Variants in ITSN1 observed in about 807,000 individuals in gnomAD.
ITSN1 encodes the protein intersectin 1.
A neutral mutation model predicts 239.8 loss-of-function variants in ITSN1; 58 were observed. The observed-to-expected ratio is 0.24, with a 90% CI of 0.20 to 0.30. The LOEUF is 0.30. Among genes scored for constraint, ITSN1 ranks in the 10% least tolerant of loss-of-function variants. The pLI, the probability that ITSN1 is intolerant of heterozygous loss-of-function variation, is 1.00. For synonymous variants in ITSN1, 780 were observed against 770.8 expected, an observed-to-expected ratio of 1.01 and a Z score of -0.20; for missense variants, 1,558 against 2,103.3, an observed-to-expected ratio of 0.74 and a Z score of 5.07.
At position 33,767,783 on chromosome 21, in the gene ITSN1, C is replaced by A. The variant is rs759669553; in HGVS notation, c.997C>A (p.Pro333Thr). 1 of 1,612,328 alleles carries A rather than the reference C, an allele frequency of 6.2e-7. No individual in the cohort carries two copies. Among genetic ancestry groups the A allele is most frequent in the Non-Finnish European group, 8.5e-7 (1 of 1,178,626 alleles). Residue 333 changes from proline (P) to threonine (T), a missense_variant, in exon 11 of 40, where the codon CCA becomes ACA. By Grantham distance (38) the Pro-to-Thr change is conservative (BLOSUM62 -1). Around this residue, in one of 2 missense-constraint regions of ITSN1, gnomAD observed 982 missense variants for 1,209.9 expected, o/e 0.81. Transcript: ENST00000381318. ...TGTAGATCAGAGGCTACCAGAGGAA[C>A]CAGTTTTAGAAGATGAACAACAACA... is the stretch of plus-strand genomic sequence containing the variant. Reference protein sequence around the residue: ...TSVDQRLPEEPVLEDEQQQLE... With the variant: ...TSVDQRLPEETVLEDEQQQLE...
At chr21:33,777,446 A>C (rs1366164716) in intron 14 of ITSN1, among the ~76,000 whole-genome samples, 1 of 152,184 alleles carries the variant, frequency 6.6e-6, no homozygotes, top group African/African-American at 2.4e-5. Context: ...TAACATTTCC[A>C]TGTACATTTT....
In ITSN1 at chr21:33,876,311, TCC is replaced by T. The variant is rs1407545106; in HGVS notation, c.4341+791_4341+792del. The stretch of plus-strand genomic sequence containing the variant: ...CCTTCTCTCTCTCTTTCTTTCTCCT[TCC>T]TTCCTTCCTTCCTTCTTTCCTTCCT... On this transcript the variant is annotated intron_variant, in intron 34 of 39. Coordinates refer to ENST00000381318, the MANE Select transcript of ITSN1 (RefSeq NM_003024.3). Among the ~76,000 whole-genome samples, 29 of 137,332 alleles carry T rather than the reference TCC, an allele frequency of 2.1e-4. No homozygotes were observed. In the South Asian group the frequency reaches 6.7e-3, roughly 31 times the overall value. 90.1% of individuals were successfully genotyped at this position (137,332 alleles called of 152,430 possible). A position where few individuals can be genotyped will look rare whatever the true frequency, so the allele number is the denominator to read the frequency against.
intron 24 of ITSN1, among the ~76,000 whole-genome samples, chr21:33,820,604 GTTCTTTTTTCAA>G (rs1416688305): frequency 1.2e-4 from 18 of 152,152 alleles, no homozygotes; most frequent in Admixed American, 2.0e-4. Flanking sequence ...CAGTAACAAT[GTTCTTTTTTCAA>G]GAGGTTTTTT....
intron 33 of ITSN1, among the ~76,000 whole-genome samples, chr21:33,867,647 A>G (rs1348478875): frequency 1.3e-5 from 2 of 152,074 alleles, no homozygotes; most frequent in African/African-American, 2.4e-5. Flanking sequence ...TTAAAAAAAA[A>G]AAAAAAAAAG....
chr21:33,714,897 G>A (rs1235133841), intron 1 of ITSN1, among the ~76,000 whole-genome samples: 2 of 151,862 alleles, frequency 1.3e-5, no homozygotes, highest in African/African-American at 4.8e-5. Flanking sequence ...ATATGAATTG[G>A]TCTATTGTAC....
chr21:33,700,325 T>G (rs2146796069), intron 1 of ITSN1, among the ~76,000 whole-genome samples: 1 of 152,296 alleles, frequency 6.6e-6, no homozygotes, highest in South Asian at 2.1e-4. Context: ...CCTCAGGTGA[T>G]CCACCTGCCT....
At chr21:33,711,465 T>C (rs2092412323) in intron 1 of ITSN1, among the ~76,000 whole-genome samples, 1 of 152,162 alleles carries the variant, frequency 6.6e-6, no homozygotes, top group South Asian at 2.1e-4. Context: ...ATTGTTTAGA[T>C]TACTAACATT....
rs191462103 is a variant in ITSN1 at position 33,647,581 on chromosome 21, C to T, written c.-33+4868C>T. On this transcript the variant is annotated intron_variant, in intron 1 of 39. Transcript: ENST00000381318. ...CTCAATCTTGGCTCACTGCAACCTA[C>T]GCTTCCCAGGTTCAAATGAATCTCT... 1.3e-4 allele frequency among the ~76,000 whole-genome samples: 20 copies of T among 152,128 alleles called. No homozygotes were observed. In the East Asian group the frequency reaches 3.5e-3, roughly 26 times the overall value.
chr21:33,824,693 G>T (rs2073884280), intron 25 of ITSN1, among the ~76,000 whole-genome samples: 1 of 152,188 alleles, frequency 6.6e-6, no homozygotes. Context: ...TGCTCTAGGA[G>T]TCCTGCCCTT....
chr21:33,794,796 G>A (rs1010930180), intron 17 of ITSN1, among the ~76,000 whole-genome samples: 3 of 152,152 alleles, frequency 2.0e-5, no homozygotes, highest in Non-Finnish European at 4.4e-5. Flanking sequence ...ACAGGGGTTG[G>A]AGTGCCTGGT....
At chr21:33,687,805 G>A (rs1362453219) in intron 1 of ITSN1, among the ~76,000 whole-genome samples, 1 of 152,182 alleles carries the variant, frequency 6.6e-6, no homozygotes, top group Admixed American at 6.5e-5. Context: ...ACAAAGAGTT[G>A]TAAGTAACAT....
chr21:33,791,142 T>G (rs1274053573), intron 16 of ITSN1, among the ~76,000 whole-genome samples: 1 of 152,240 alleles, frequency 6.6e-6, no homozygotes, highest in Admixed American at 6.5e-5. Context: ...ATGTTCTGCT[T>G]ATGTTGATTC....
chr21:33,774,674 C>T, intron 12 of ITSN1, 55 bp from the exon 13 acceptor site: 1 of 1,529,496 alleles, frequency 6.5e-7, no homozygotes, highest in Non-Finnish European at 8.9e-7. Flanking sequence ...TGTGAAAAGA[C>T]ATTGTGTAGT....
At chr21:33,828,491 G>A (rs2074099580) in intron 26 of ITSN1, among the ~76,000 whole-genome samples, 1 of 152,254 alleles carries the variant, frequency 6.6e-6, no homozygotes, top group Non-Finnish European at 1.5e-5. Flanking sequence ...ATAGCATGCA[G>A]AACAGAATGA....
At chr21:33,717,614 GGT>G (rs2065229224) in intron 1 of ITSN1, among the ~76,000 whole-genome samples, 1 of 152,008 alleles carries the variant, frequency 6.6e-6, no homozygotes, top group African/African-American at 2.4e-5. Flanking sequence ...GGAGTGCAGG[GGT>G]GCAATCTCGG....
At chr21:33,698,162 T>G (rs2146765784) in intron 1 of ITSN1, among the ~76,000 whole-genome samples, 1 of 152,340 alleles carries the variant, frequency 6.6e-6, no homozygotes, top group East Asian at 1.9e-4. Context: ...ATCTGCCTAT[T>G]GAAGCTCTCC....
At chr21:33,761,831 A>G (rs1459718882) in intron 8 of ITSN1, 92 bp from the exon 9 acceptor site, 7 of 874,930 alleles carry the variant, frequency 8.0e-6, no homozygotes, top group Non-Finnish European at 1.2e-5. Flanking sequence ...GCATGAGGTC[A>G]TGGAGTAGTC....
intron 29 of ITSN1, among the ~76,000 whole-genome samples, chr21:33,851,777 C>CT (rs1491146342): frequency 1.8e-4 from 11 of 62,118 alleles, no homozygotes; most frequent in South Asian, 5.7e-4. Context: ...TCTTTTCTTT[C>CT]CTTTTTTTTT....
intron 1 of ITSN1, among the ~76,000 whole-genome samples, chr21:33,699,881 C>T (rs1288083690): frequency 1.3e-5 from 2 of 152,136 alleles, no homozygotes; most frequent in Admixed American, 6.5e-5. Flanking sequence ...CCTGCCTCAG[C>T]CTCCCCAAGT....
Sources: allele counts gnomAD v4.1 joint callset (sites outside exome capture counted in the v4.1 genomes callset), GRCh38; gene constraint gnomAD v4.1.1; regional missense constraint gnomAD v4.1.1; transcripts MANE v1.5; gene names NCBI Gene and HGNC (gene_info 2026-07-23, HGNC 2026-07-21).